Variants in SLIT3 observed in about 807,000 individuals in gnomAD.
SLIT3 encodes slit homolog 3 protein.
A neutral mutation model predicts 184.0 loss-of-function variants in SLIT3; 68 were observed. The observed-to-expected ratio is 0.37, with a 90% CI of 0.30 to 0.45. The LOEUF (loss-of-function observed/expected upper bound fraction) is 0.45. SLIT3 is among the 20% of genes least tolerant of loss of function. The pLI is 1.00. For synonymous variants in SLIT3, 831 were observed against 828.6 expected (o/e 1.00, Z -0.05); for missense variants, 1,707 against 2,026.0 (o/e 0.84, Z 3.02).
intron 3 of SLIT3, among the ~76,000 whole-genome samples, chr5:169,197,827 C>T (rs946745885): frequency 2.4e-4 from 36 of 152,098 alleles, no homozygotes; most frequent in Non-Finnish European, 1.0e-4. Flanking sequence ...AAAAAACCAA[C>T]TGGCTGCTGA....
chr5:168,856,382 G>A (rs1371699265), intron 5 of SLIT3, among the ~76,000 whole-genome samples: 8 of 152,192 alleles, frequency 5.3e-5, no homozygotes, highest in African/African-American at 1.9e-4. Context: ...TAGCAAACCT[G>A]ATTCTATCTG....
At chr5:168,746,265 G>GGGTAT (rs1763796108) in intron 20 of SLIT3, among the ~76,000 whole-genome samples, 2 of 149,482 alleles carry the variant, frequency 1.3e-5, no homozygotes, top group Admixed American at 1.3e-4. Flanking sequence ...AGATGTGTGT[G>GGGTAT]GGTGTGGTGA....
At chr5:169,113,590 G>T (rs917910091) in intron 4 of SLIT3, among the ~76,000 whole-genome samples, 1 of 151,706 alleles carries the variant, frequency 6.6e-6, no homozygotes, top group African/African-American at 2.4e-5. Flanking sequence ...GTTCCATCTG[G>T]GTTCCTACCA....
intron 5 of SLIT3, among the ~76,000 whole-genome samples, chr5:168,861,242 G>A (rs1234410792): frequency 1.3e-5 from 2 of 152,028 alleles, no homozygotes; most frequent in African/African-American, 4.8e-5. Flanking sequence ...ATCTCCTAAT[G>A]CTTTCCCTCC....
At chr5:168,918,341 C>T (rs548266724) in intron 4 of SLIT3, among the ~76,000 whole-genome samples, 1 of 152,170 alleles carries the variant, frequency 6.6e-6, no homozygotes, top group South Asian at 2.1e-4. Flanking sequence ...ATTCATCTTA[C>T]ATATATATGC....
intron 4 of SLIT3, among the ~76,000 whole-genome samples, chr5:168,960,439 C>T (rs6555842): frequency 0.34 from 51,654 of 152,060 alleles, 9,127 homozygotes; most frequent in African/African-American, 0.44. Context: ...AACAACCAAA[C>T]GAGGTACAAT....
chr5:169,006,951 C>T (rs1427714286), intron 4 of SLIT3, among the ~76,000 whole-genome samples: 1 of 152,042 alleles, frequency 6.6e-6, no homozygotes, highest in African/African-American at 2.4e-5. Context: ...CCCCCAACTG[C>T]AACCTGTAAT....
chr5:169,166,157 T>C (rs377472179), intron 4 of SLIT3, among the ~76,000 whole-genome samples: 1 of 83,544 alleles, frequency 1.2e-5, no homozygotes, highest in South Asian at 3.6e-4. Flanking sequence ...CTAATTTTTT[T>C]CTCCTCCTCC....
In SLIT3 at chr5:168,980,286, T is replaced by G. The variant is rs541215606; in HGVS notation, c.414-96950A>C. On this transcript the variant is annotated intron_variant, in intron 4 of 35. Transcript: ENST00000519560. ...CGGGTTCTGAGATGCGTGTAAAAGT[T>G]GATGGAGAAGGCAGACTGAATTAAA... Among the ~76,000 whole-genome samples, 11 of 152,186 alleles carry G rather than the reference T, an allele frequency of 7.2e-5. No individual in the cohort carries two copies. In the East Asian group the frequency reaches 1.9e-3, roughly 27 times the overall value.
At position 169,300,788 on chromosome 5, in the gene SLIT3, C is replaced by G; in HGVS notation, c.-79G>C. 2 of 1,233,502 alleles carry G rather than the reference C, an allele frequency of 1.6e-6. No individual in the cohort carries two copies. The highest frequency in any genetic ancestry group is 2.0e-6 in the Non-Finnish European group (2 of 988,970). The allele number at this position is 1,233,502 out of a possible 1,614,324, so 76.4% of individuals were successfully genotyped here. On this transcript the variant is annotated 5_prime_UTR_variant, in exon 1 of 36. Coordinates refer to ENST00000519560, the MANE Select transcript of SLIT3 (RefSeq NM_003062.4). This position sits in a 1 kb window ranked among gnomAD's most constrained non-coding sequence, Gnocchi z 4.1. The stretch of plus-strand genomic sequence containing the variant: ...GGAGCCCGAGGAGGCGCGCGGGGAG[C>G]GCGGGCGGCCTGGGGAGCGGGCGGC...
chr5:168,762,034 G>T (rs1374682156), intron 15 of SLIT3, among the ~76,000 whole-genome samples: 2 of 149,222 alleles, frequency 1.3e-5, no homozygotes, highest in Non-Finnish European at 3.0e-5. Context: ...GCCTCCCAAA[G>T]TGCTGGGATT....
intron 12 of SLIT3, among the ~76,000 whole-genome samples, chr5:168,781,136 G>T (rs1485207397): frequency 6.6e-6 from 1 of 152,228 alleles, no homozygotes; most frequent in African/African-American, 2.4e-5. Context: ...TGGGCGGCCT[G>T]TCTGAAAAAC....
Position 168,907,439 on chromosome 5 carries a change from T to C in SLIT3, c.414-24103A>G, listed in dbSNP as rs113878984. Among the ~76,000 whole-genome samples, 1,105 of 152,322 alleles carry C rather than the reference T, an allele frequency of 7.3e-3. 17 individuals are homozygous for C. Among genetic ancestry groups the C allele is most frequent in the African/African-American group, 0.025 (1,036 of 41,566 alleles). The stretch of plus-strand genomic sequence containing the variant: ...GGCCTTTCTTTCTTATGTAGTAAAG[T>C]ATAATCATGTATCTGCAAAGAAAAG... On this transcript the variant is annotated intron_variant, in intron 4 of 35. Coordinates refer to ENST00000519560, the MANE Select transcript of SLIT3 (RefSeq NM_003062.4).
chr5:169,068,152 T>C (rs925071621), intron 4 of SLIT3, among the ~76,000 whole-genome samples: 3 of 152,150 alleles, frequency 2.0e-5, no homozygotes, highest in African/African-American at 7.2e-5. Context: ...CCCCTCTCAG[T>C]TGTAAAAGTA....
rs541551105 is a variant in SLIT3, at chr5:168,789,544, C to T, written c.1079+16G>A. 10 of 1,607,640 alleles carry T rather than the reference C, an allele frequency of 6.2e-6. No homozygotes were observed. The East Asian group carries it at 6.7e-5, about 11-fold the overall frequency. On this transcript the variant is annotated intron_variant, in intron 11 of 35. Transcript: ENST00000519560. ...CCCCTCCCCTCACCTCAGGCCCCAA[C>T]TCGGGCCCCACTTACAGCGATGTGA... is the stretch of plus-strand genomic sequence containing the variant.
At chr5:168,798,690 C>T (rs10070033) in intron 9 of SLIT3, among the ~76,000 whole-genome samples, 7,531 of 152,006 alleles carry the variant, frequency 0.05, 519 homozygotes, top group African/African-American at 0.15. Flanking sequence ...TGGTTGCGAA[C>T]AGTTTGTGTA....
chr5:168,917,529 C>G (rs994549997), intron 4 of SLIT3, among the ~76,000 whole-genome samples: 13 of 152,160 alleles, frequency 8.5e-5, no homozygotes, highest in African/African-American at 2.9e-4. Context: ...CATCTTGATG[C>G]AGATAGTAAT....
Position 168,663,901 on chromosome 5 carries a change from G to GT in SLIT3, c.*2552dup, listed in dbSNP as rs1236903489. 1.3e-5 allele frequency: 2 copies of GT among 152,218 alleles called. No individual in the cohort carries two copies. The highest frequency in any genetic ancestry group is 2.4e-5 in the African/African-American group (1 of 41,460). 9.4% of individuals were successfully genotyped at this position (152,218 alleles called of 1,614,324 possible). ...AAGGCAATTGTCCATTTTTATGACT[G>GT]TTTTTGTCACAGGCTGTAGGATCCT... On this transcript the variant is annotated 3_prime_UTR_variant, in exon 36 of 36. Transcript: ENST00000519560.
intron 6 of SLIT3, among the ~76,000 whole-genome samples, chr5:168,832,476 A>T (rs1757912059): frequency 6.6e-6 from 1 of 152,214 alleles, no homozygotes; most frequent in African/African-American, 2.4e-5. Context: ...CTGTTTACTG[A>T]ATGGGCTGGC....
Sources: gnomAD v4.1 joint callset for allele counts (sites outside exome capture counted in the v4.1 genomes callset) on GRCh38, gnomAD v4.1.1 for gene constraint, Gnocchi (gnomAD v3.1) non-coding constraint, MANE v1.5 for transcripts, NCBI Gene and HGNC (gene_info 2026-07-23, HGNC 2026-07-21) for gene names.